Variants in SMG6 observed in about 807,000 individuals in gnomAD.
The protein encoded by SMG6 is telomerase-binding protein EST1A.
In SMG6, 66 loss-of-function variants were observed where a neutral mutation model predicts 142.2. The ratio of observed to expected loss-of-function variants is 0.46; its 90% confidence interval spans 0.38 to 0.57. The LOEUF is 0.57. SMG6 is among the 20% of genes least tolerant of loss of function. The pLI is 0.00. For missense variants in SMG6, 1,793 were observed against 1,832.0 expected, an observed-to-expected ratio of 0.98 and a Z score of 0.39; for synonymous variants, 779 against 702.4, an observed-to-expected ratio of 1.11 and a Z score of -1.72.
intron 5 of SMG6, 115 bp from the exon 6 acceptor site, chr17:2,292,745 G>C (rs1166334920): frequency 6.9e-7 from 1 of 1,440,914 alleles, no homozygotes; most frequent in Non-Finnish European, 9.7e-7. Context: ...AACCCTGGAG[G>C]GGTAAGGCAT....
intron 16 of SMG6, among the ~76,000 whole-genome samples, chr17:2,066,560 G>C (rs2067954916): frequency 6.6e-6 from 1 of 151,850 alleles, no homozygotes; most frequent in South Asian, 2.1e-4. Context: ...TCATGGCTCA[G>C]GGAGCCGGCG....
chr17:2,211,848 G>A lies in SMG6; in HGVS notation c.2870-23333C>T, dbSNP rs527587892. ...TCCCTGTTTCCCTCTGGGTGTGGCT[G>A]GGGATCCCCACATCCACATCTCTCG... On this transcript the variant is annotated intron_variant, in intron 10 of 18. Coordinates refer to ENST00000263073, the MANE Select transcript of SMG6 (RefSeq NM_017575.5). Among the ~76,000 whole-genome samples, 11 of 152,138 alleles carry A rather than the reference G, an allele frequency of 7.2e-5. No homozygotes were observed. The South Asian group carries it at 2.3e-3, about 32-fold the overall frequency.
Position 2,107,353 on chromosome 17 carries a change from G to A in SMG6, c.3358-21452C>T, listed in dbSNP as rs374242011. 6.6e-5 allele frequency among the ~76,000 whole-genome samples: 10 copies of A among 152,310 alleles called. No individual in the cohort carries two copies. In the South Asian group the frequency reaches 1.0e-3, roughly 16 times the overall value. On this transcript the variant is annotated intron_variant, in intron 13 of 18. Coordinates refer to ENST00000263073, the MANE Select transcript of SMG6 (RefSeq NM_017575.5). ...TCATTTCCTGTTGGGTTTCCATGCT[G>A]TAAAAAAGTGGGGGAGAAATGCCAG... is the stretch of plus-strand genomic sequence containing the variant.
At chr17:2,236,658 T>C in intron 9 of SMG6, 21 bp from the exon 10 acceptor site, 2 of 1,599,002 alleles carry the variant, frequency 1.3e-6, no homozygotes, top group Non-Finnish European at 1.7e-6. Flanking sequence ...AGAAAACCCA[T>C]CAATGAGGCA....
chr17:2,297,226 TA>T lies in SMG6; in HGVS notation c.2151+16del. 6.4e-7 allele frequency: 1 copy of T among 1,557,300 alleles called. No homozygotes were observed. Reference sequence around the variant, plus strand: ...GAAATGAATGAAAATTTAAGATACATAAAGAAGGTAGCTTACTGTCTTGCGT... The same window carrying T: ...GAAATGAATGAAAATTTAAGATACATAAGAAGGTAGCTTACTGTCTTGCGT... On this transcript the variant is annotated intron_variant, in intron 4 of 18. Coordinates refer to ENST00000263073, the MANE Select transcript of SMG6 (RefSeq NM_017575.5).
chr17:2,154,481 T>C (rs1275797026), intron 13 of SMG6, among the ~76,000 whole-genome samples: 1 of 152,192 alleles, frequency 6.6e-6, no homozygotes, highest in Non-Finnish European at 1.5e-5. Context: ...GTCCTTCAAC[T>C]TTTTCCTTGT....
chr17:2,126,617 G>A (rs1034003582), intron 13 of SMG6, among the ~76,000 whole-genome samples: 5 of 151,686 alleles, frequency 3.3e-5, no homozygotes, highest in African/African-American at 9.7e-5. Flanking sequence ...TTTGAAAGGC[G>A]GGGCACAAGA....
At chr17:2,280,455 G>C (rs757225617) in intron 8 of SMG6, 4 of 258,736 alleles carry the variant, frequency 1.5e-5, no homozygotes, top group Non-Finnish European at 2.4e-5. Flanking sequence ...AGTAGAGACA[G>C]GGTTTCACCA....
intron 13 of SMG6, chr17:2,088,570 G>A: frequency 1.0e-6 from 1 of 985,476 alleles, no homozygotes; most frequent in South Asian, 4.7e-5. Flanking sequence ...CTCTGACCTG[G>A]TGTTAACAGG....
At chr17:2,193,121 G>C (rs1475788705) in intron 10 of SMG6, among the ~76,000 whole-genome samples, 3 of 152,216 alleles carry the variant, frequency 2.0e-5, no homozygotes, top group Non-Finnish European at 2.9e-5. Flanking sequence ...GCTGGAGATG[G>C]GGCCTGGTGG....
At chr17:2,098,263 G>C (rs1189923431) in intron 13 of SMG6, among the ~76,000 whole-genome samples, 3 of 152,152 alleles carry the variant, frequency 2.0e-5, no homozygotes, top group African/African-American at 7.2e-5. Context: ...TCGGACTACA[G>C]GTGTGAGCCA....
At chr17:2,142,565 A>G (rs2070515457) in intron 13 of SMG6, among the ~76,000 whole-genome samples, 1 of 151,748 alleles carries the variant, frequency 6.6e-6, no homozygotes, top group Admixed American at 6.6e-5. Context: ...ACAACTCAAC[A>G]ATAAAAGACA....
At chr17:2,222,228 G>GT in intron 10 of SMG6, among the ~76,000 whole-genome samples, 1 of 152,024 alleles carries the variant, frequency 6.6e-6, no homozygotes, top group Non-Finnish European at 1.5e-5. Context: ...TAATTATCTA[G>GT]TATTTAGAAA....
intron 12 of SMG6, among the ~76,000 whole-genome samples, chr17:2,185,632 G>A (rs2071956135): frequency 6.6e-6 from 1 of 152,164 alleles, no homozygotes; most frequent in South Asian, 2.1e-4. Flanking sequence ...AATGCTCTGA[G>A]AGATGCCAGA....
chr17:2,124,005 A>G (rs1003788428), intron 13 of SMG6, among the ~76,000 whole-genome samples: 1 of 152,216 alleles, frequency 6.6e-6, no homozygotes, highest in Non-Finnish European at 1.5e-5. Flanking sequence ...ACTGAAGGCC[A>G]GACATTACCA....
chr17:2,226,606 AAAAC>A (rs796800787), intron 10 of SMG6, among the ~76,000 whole-genome samples: 75 of 151,796 alleles, frequency 4.9e-4, no homozygotes, highest in African/African-American at 1.6e-3. Flanking sequence ...AAACAAAAAA[AAAAC>A]AAACAAGTGG....
At chr17:2,080,577 T>C (rs1804386216) in intron 15 of SMG6, among the ~76,000 whole-genome samples, 1 of 152,114 alleles carries the variant, frequency 6.6e-6, no homozygotes, top group South Asian at 2.1e-4. Context: ...TTACATACAC[T>C]GTCTCGTGTA....
intron 8 of SMG6, chr17:2,256,072 G>C (rs1275097723): frequency 5.9e-6 from 1 of 168,726 alleles, no homozygotes; most frequent in Non-Finnish European, 1.2e-5. Flanking sequence ...CCTCTGCCTA[G>C]GAAAACCAGA....
rs145926620 is a variant in SMG6, at chr17:2,061,465, C to CGG, written c.*25_*26dup. 127,409 of 1,227,358 alleles carry CGG rather than the reference C, an allele frequency of 0.1. 543 individuals are homozygous for CGG. Among genetic ancestry groups the CGG allele is most frequent in the East Asian group, 0.13 (3,884 of 29,524 alleles). 76.0% of individuals were successfully genotyped at this position (1,227,358 alleles called of 1,614,324 possible). On this transcript the variant is annotated 3_prime_UTR_variant, in exon 19 of 19. Coordinates refer to ENST00000263073, the MANE Select transcript of SMG6 (RefSeq NM_017575.5). ...TGGTGGCCTTTCAGGAACGGTTCCA[C>CGG]GGGGGGGGGGCCCCAGTGTGGCTCC...
Sources: allele counts gnomAD v4.1 joint callset (sites outside exome capture counted in the v4.1 genomes callset), GRCh38; gene constraint gnomAD v4.1.1; transcripts MANE v1.5; gene names NCBI Gene and HGNC (gene_info 2026-07-23, HGNC 2026-07-21).